Variants in TUT4 observed in about 807,000 individuals in gnomAD.
The protein encoded by TUT4 is terminal uridylyltransferase 4.
Under a neutral mutation model 192.2 loss-of-function variants are expected in TUT4, and 36 were observed. That is an observed-to-expected ratio of 0.19 (90% CI 0.14 to 0.25). The LOEUF (loss-of-function observed/expected upper bound fraction) is 0.25, where lower values mean the gene tolerates loss of function less well. Among genes scored for constraint, TUT4 ranks in the 10% least tolerant of loss-of-function variants. The pLI is 1.00. For missense variants in TUT4, 1,493 were observed against 1,957.2 expected (o/e 0.76, Z 4.47); for synonymous variants, 618 against 666.0 (o/e 0.93, Z 1.11).
intron 20 of TUT4, among the ~76,000 whole-genome samples, chr1:52,447,572 G>GA (rs955944304): frequency 3.3e-5 from 5 of 151,266 alleles, no homozygotes; most frequent in Non-Finnish European, 5.9e-5. Context: ...CTAAGGAGAA[G>GA]AAAAAAGGAG....
intron 1 of TUT4, chr1:52,538,640 C>CTT (rs897267441): frequency 8.4e-6 from 1 of 118,826 alleles, no homozygotes; most frequent in Non-Finnish European, 1.7e-5. Flanking sequence ...GAGCAAGACT[C>CTT]TGTCTAAAAA....
At chr1:52,523,966 A>G (rs1261315083) in intron 2 of TUT4, among the ~76,000 whole-genome samples, 1 of 152,204 alleles carries the variant, frequency 6.6e-6, no homozygotes, top group East Asian at 1.9e-4. Context: ...GTATTTTTCC[A>G]GCCATGAAAA....
At chr1:52,485,815 C>T (rs1669649189) in intron 9 of TUT4, among the ~76,000 whole-genome samples, 1 of 151,870 alleles carries the variant, frequency 6.6e-6, no homozygotes, top group African/African-American at 2.4e-5. Flanking sequence ...ATTTCATTTG[C>T]TTATATTTCA....
At position 52,449,547 on chromosome 1, in the gene TUT4, C is replaced by G. The variant is rs369851313; in HGVS notation, c.3436-2880G>C. Reference sequence around the variant, plus strand: ...ACTCCTGACCTCAAGTAATCTACCCCCCTCGGCCGCCCAAAGTGCTGGGAT... The same window carrying G: ...ACTCCTGACCTCAAGTAATCTACCCGCCTCGGCCGCCCAAAGTGCTGGGAT... On this transcript the variant is annotated intron_variant, in intron 20 of 29. Transcript: ENST00000257177. 9.2e-5 allele frequency among the ~76,000 whole-genome samples: 14 copies of G among 152,206 alleles called. No homozygotes were observed. The East Asian group carries it at 1.5e-3, about 17-fold the overall frequency.
chr1:52,509,862 T>G (rs1210577323), intron 3 of TUT4, 150 bp from the exon 4 acceptor site: 1 of 661,726 alleles, frequency 1.5e-6, no homozygotes. Flanking sequence ...AAGTAATAGT[T>G]TTTAATAAAC....
chr1:52,533,382 C>A (rs542660999), intron 1 of TUT4, among the ~76,000 whole-genome samples: 2 of 152,298 alleles, frequency 1.3e-5, no homozygotes, highest in East Asian at 1.9e-4. Flanking sequence ...TCTTAAGCTT[C>A]TTCTACATAC....
At chr1:52,502,261 C>T (rs1404036734) in intron 4 of TUT4, among the ~76,000 whole-genome samples, 2 of 151,986 alleles carry the variant, frequency 1.3e-5, no homozygotes, top group Non-Finnish European at 2.9e-5. Flanking sequence ...CCATTCCCTC[C>T]ACCCTCTCCA....
At chr1:52,501,889 T>TACA (rs1674197038) in intron 4 of TUT4, among the ~76,000 whole-genome samples, 1 of 152,162 alleles carries the variant, frequency 6.6e-6, no homozygotes, top group African/African-American at 2.4e-5. Context: ...ATGGGGTACC[T>TACA]ACAATAGACA....
At chr1:52,498,111 C>G (rs1672905341) in intron 4 of TUT4, among the ~76,000 whole-genome samples, 3 of 152,112 alleles carry the variant, frequency 2.0e-5, no homozygotes, top group Admixed American at 2.0e-4. Flanking sequence ...GTAAAGCTTA[C>G]CTCAGGTAAG....
intron 6 of TUT4, among the ~76,000 whole-genome samples, chr1:52,494,658 C>T (rs1031633209): frequency 2.0e-5 from 3 of 152,184 alleles, no homozygotes; most frequent in Non-Finnish European, 4.4e-5. Flanking sequence ...CATCACTGCA[C>T]TCCAGCCTGG....
intron 2 of TUT4, among the ~76,000 whole-genome samples, chr1:52,516,853 A>G (rs1678844185): frequency 6.6e-6 from 1 of 152,216 alleles, no homozygotes; most frequent in South Asian, 2.1e-4. Flanking sequence ...GGAAAAAAGC[A>G]AGGAACTGAG....
intron 1 of TUT4, among the ~76,000 whole-genome samples, chr1:52,552,645 C>T (rs1251746768): frequency 6.6e-6 from 1 of 152,156 alleles, no homozygotes; most frequent in Non-Finnish European, 1.5e-5. Context: ...GACCGGGAGC[C>T]CCAGCCACAG....
chr1:52,432,614 G>A (rs1025132003), intron 27 of TUT4: 1 of 152,182 alleles, frequency 6.6e-6, no homozygotes, highest in African/African-American at 2.4e-5. Flanking sequence ...GAATAAAATA[G>A]AGAATTTTTT....
intron 9 of TUT4, among the ~76,000 whole-genome samples, chr1:52,482,798 C>T (rs947313503): frequency 6.6e-6 from 1 of 152,058 alleles, no homozygotes; most frequent in African/African-American, 2.4e-5. Flanking sequence ...AACAGTTCCC[C>T]CATTCAAGAA....
intron 20 of TUT4, among the ~76,000 whole-genome samples, chr1:52,455,697 A>C (rs1308432098): frequency 2.0e-5 from 3 of 149,866 alleles, no homozygotes; most frequent in African/African-American, 7.4e-5. Flanking sequence ...GGGAGGATGG[A>C]TGGACAGACA....
chr1:52,528,785 A>C (rs1682551877), intron 1 of TUT4, among the ~76,000 whole-genome samples: 1 of 151,912 alleles, frequency 6.6e-6, no homozygotes, highest in Non-Finnish European at 1.5e-5. Context: ...TTTAATAATC[A>C]CTCACTGCAG....
At chr1:52,516,889 G>C (rs752063417) in intron 2 of TUT4, among the ~76,000 whole-genome samples, 4 of 152,162 alleles carry the variant, frequency 2.6e-5, no homozygotes, top group Non-Finnish European at 4.4e-5. Context: ...AGATATGGGA[G>C]CCAGAGAAGG....
rs1394233799 is a variant in TUT4 at position 52,490,985 on chromosome 1, T to C, written c.1319-184A>G. ...ACCTCTCCTGGTGTCATTTGCTGTA[T>C]ATCACAAACCACAGGTACAGCCCCA... On this transcript the variant is annotated intron_variant, in intron 7 of 29. Coordinates refer to ENST00000257177, the MANE Select transcript of TUT4 (RefSeq NM_001009881.3). 2.0e-5 allele frequency among the ~76,000 whole-genome samples: 3 copies of C among 152,326 alleles called. No homozygotes were observed. In the South Asian group the frequency reaches 6.2e-4, roughly 32 times the overall value.
chr1:52,541,531 C>CA (rs1162990214), intron 1 of TUT4, among the ~76,000 whole-genome samples: 4,955 of 101,362 alleles, frequency 0.049, 187 homozygotes, highest in African/African-American at 0.14. Flanking sequence ...GACTCCGTCT[C>CA]AAAAAAAAAA....
Sources: allele counts gnomAD v4.1 joint callset (sites outside exome capture counted in the v4.1 genomes callset), GRCh38; gene constraint gnomAD v4.1.1; transcripts MANE v1.5; gene names NCBI Gene and HGNC (gene_info 2026-07-23, HGNC 2026-07-21).